DNAI3: variants seen among roughly 807,000 people sequenced by gnomAD.
DNAI3 encodes WD repeat domain 63.
DNAI3 carries 83 observed loss-of-function variants against 115.5 expected under a neutral mutation model. The observed-to-expected ratio is 0.72, with a 90% confidence interval of 0.60 to 0.86. The LOEUF is 0.86. Ranked by LOEUF, DNAI3 falls within the 40% of genes least tolerant of loss-of-function variation. DNAI3 has a pLI of 0.00. For missense variants in DNAI3, 1,004 were observed against 1,075.8 expected, an observed-to-expected ratio of 0.93 and a Z score of 0.93; for synonymous variants, 320 against 347.0, an observed-to-expected ratio of 0.92 and a Z score of 0.86.
intron 13 of DNAI3, among the ~76,000 whole-genome samples, chr1:85,101,940 A>C (rs115371705): frequency 0.013 from 1,985 of 151,966 alleles, 23 homozygotes; most frequent in Admixed American, 0.023. Flanking sequence ...TGGCTCATTC[A>C]TACCTATAAT....
At chr1:85,119,146 A>G (rs1374100373) in intron 17 of DNAI3, among the ~76,000 whole-genome samples, 1 of 152,224 alleles carries the variant, frequency 6.6e-6, no homozygotes, top group African/African-American at 2.4e-5. Context: ...AAATATATGT[A>G]ACATAAAATT....
rs149651280 is a variant in DNAI3, at chr1:85,127,512, T to C, written c.2317+797T>C. On this transcript the variant is annotated intron_variant, in intron 20 of 22. Coordinates refer to ENST00000294664, the MANE Select transcript of DNAI3 (RefSeq NM_145172.5). ...TCAGCCTCCCAAAGTTCTGGGATTA[T>C]AGGGGTGAACCACTGTAACCCACCT... Among the ~76,000 whole-genome samples the C allele has an allele frequency of 7.0e-3, 1,063 of 152,256 alleles. 15 individuals carry two copies. Among genetic ancestry groups the C allele is most frequent in the African/African-American group, 0.024 (986 of 41,560 alleles).
rs200399225 is a variant in DNAI3 at position 85,108,021 on chromosome 1, A to C, written c.1554-12A>C. ...TTGTACTTAATAAAAAATATATATA[A>C]ATTTTTTTTAGCACAATATGTTTTT... is the stretch of plus-strand genomic sequence containing the variant. On this transcript the variant is annotated splice_polypyrimidine_tract_variant and intron_variant, in intron 14 of 22. Transcript: ENST00000294664. 7.1e-7 allele frequency: 1 copy of C among 1,409,810 alleles called. No homozygotes were observed. Among genetic ancestry groups the C allele is most frequent in the Admixed American group, 2.9e-5 (1 of 34,256 alleles). 87.3% of individuals were successfully genotyped at this position (1,409,810 alleles called of 1,614,324 possible).
chr1:85,095,865 T>C, intron 10 of DNAI3, 66 bp from the exon 11 acceptor site: 2 of 1,462,736 alleles, frequency 1.4e-6, no homozygotes, highest in South Asian at 1.1e-5. Flanking sequence ...TGTCTTAATA[T>C]TATTTTCTCG....
chr1:85,087,768 T>C (rs1197333638), intron 7 of DNAI3, among the ~76,000 whole-genome samples: 1 of 152,074 alleles, frequency 6.6e-6, no homozygotes, highest in African/African-American at 2.4e-5. Flanking sequence ...TTGAATTCAG[T>C]GTTAAGTGAA....
intron 7 of DNAI3, among the ~76,000 whole-genome samples, chr1:85,086,971 T>G (rs1654815745): frequency 6.6e-6 from 1 of 152,056 alleles, no homozygotes; most frequent in Non-Finnish European, 1.5e-5. Flanking sequence ...CAGTTCTCCC[T>G]GCTCATCCAT....
intron 5 of DNAI3, among the ~76,000 whole-genome samples, chr1:85,082,946 A>C (rs985007929): frequency 2.0e-5 from 3 of 152,134 alleles, no homozygotes; most frequent in Non-Finnish European, 2.9e-5. Flanking sequence ...TGAGCCTCTC[A>C]TTGGTAAAAT....
At chr1:85,125,640 T>C (rs895912203) in intron 19 of DNAI3, among the ~76,000 whole-genome samples, 3 of 152,146 alleles carry the variant, frequency 2.0e-5, no homozygotes, top group Non-Finnish European at 4.4e-5. Flanking sequence ...AATTTGGTTA[T>C]AGAAACTCAA....
At chr1:85,108,861 T>C (rs1002123599) in intron 15 of DNAI3, among the ~76,000 whole-genome samples, 2 of 152,170 alleles carry the variant, frequency 1.3e-5, no homozygotes, top group Admixed American at 6.5e-5. Flanking sequence ...ATTTCATGTA[T>C]AAACAAGCCA....
At chr1:85,084,173 ATG>A (rs1553165770) in intron 5 of DNAI3, among the ~76,000 whole-genome samples, 91 of 139,926 alleles carry the variant, frequency 6.5e-4, no homozygotes, top group African/African-American at 2.1e-3. Context: ...GTATATATAT[ATG>A]TGTGTGTGTG....
At chr1:85,109,401 G>T (rs1471966955) in intron 15 of DNAI3, among the ~76,000 whole-genome samples, 1 of 152,222 alleles carries the variant, frequency 6.6e-6, no homozygotes, top group Non-Finnish European at 1.5e-5. Flanking sequence ...GGAAAGAGAA[G>T]ATTATAAATT....
In DNAI3 at chr1:85,093,444, T is replaced by C. The variant is rs746308932; in HGVS notation, c.858-14T>C. On this transcript the variant is annotated splice_polypyrimidine_tract_variant and intron_variant, in intron 8 of 22. Coordinates refer to ENST00000294664, the MANE Select transcript of DNAI3 (RefSeq NM_145172.5). ...ACCAATATCTTAATTGCTTTTTTTA[T>C]TTTTACAAATTAGTGTTGAAATAGC... is the stretch of plus-strand genomic sequence containing the variant. 4.3e-6 allele frequency: 7 copies of C among 1,610,538 alleles called. No homozygotes were observed. The highest frequency in any genetic ancestry group is 5.9e-6 in the Non-Finnish European group (7 of 1,178,420).
At chr1:85,096,465 T>G (rs1316771275) in intron 11 of DNAI3, among the ~76,000 whole-genome samples, 3 of 147,674 alleles carry the variant, frequency 2.0e-5, no homozygotes, top group African/African-American at 7.4e-5. Context: ...TGTGTATATA[T>G]ATATATAGAT....
At chr1:85,111,556 C>T (rs1416779330) in intron 16 of DNAI3, among the ~76,000 whole-genome samples, 2 of 152,188 alleles carry the variant, frequency 1.3e-5, no homozygotes, top group African/African-American at 2.4e-5. Flanking sequence ...ATGATCACAA[C>T]AATCTGCAAG....
At chr1:85,106,229 A>G (rs1655488075) in intron 14 of DNAI3, among the ~76,000 whole-genome samples, 1 of 152,224 alleles carries the variant, frequency 6.6e-6, no homozygotes, top group African/African-American at 2.4e-5. Context: ...ATGAAACACC[A>G]AAAGTGCAAG....
chr1:85,092,418 G>A (rs1232389516), intron 8 of DNAI3, among the ~76,000 whole-genome samples: 3 of 151,964 alleles, frequency 2.0e-5, no homozygotes, highest in Admixed American at 1.3e-4. Flanking sequence ...ATTCACAATT[G>A]AGAACCACTT....
intron 13 of DNAI3, among the ~76,000 whole-genome samples, chr1:85,101,973 A>T (rs1326487024): frequency 4.6e-5 from 7 of 151,808 alleles, no homozygotes; most frequent in Non-Finnish European, 1.0e-4. Flanking sequence ...AGGCTGAGGC[A>T]GGAGGATGAC....
At chr1:85,122,759 A>G (rs1656027900) in intron 18 of DNAI3, among the ~76,000 whole-genome samples, 1 of 152,222 alleles carries the variant, frequency 6.6e-6, no homozygotes, top group Non-Finnish European at 1.5e-5. Context: ...TTAATATGAT[A>G]AAATTCAGAA....
intron 16 of DNAI3, among the ~76,000 whole-genome samples, chr1:85,116,603 A>G (rs939325267): frequency 6.6e-6 from 1 of 152,230 alleles, no homozygotes; most frequent in African/African-American, 2.4e-5. Context: ...AGAATTTGAA[A>G]TAAATATTTT....
Sources: allele counts gnomAD v4.1 joint callset (sites outside exome capture counted in the v4.1 genomes callset), GRCh38; gene constraint gnomAD v4.1.1; transcripts MANE v1.5; gene names NCBI Gene and HGNC (gene_info 2026-07-23, HGNC 2026-07-21).